The following TNS1 variants were observed in gnomAD, a reference collection of about 807,000 sequenced individuals.
TNS1 encodes tensin 1, also known as tensin-1.
Under a neutral mutation model 168.6 loss-of-function variants are expected in TNS1, and 62 were observed. That is an observed-to-expected ratio of 0.37 (90% CI 0.30 to 0.45). The LOEUF is 0.45. Ranked by LOEUF, TNS1 falls within the 20% of genes least tolerant of loss-of-function variation. The pLI is 1.00. For synonymous variants in TNS1, 934 were observed against 933.2 expected (o/e 1.00, Z -0.02); for missense variants, 2,240 against 2,339.4 (o/e 0.96, Z 0.88).
At chr2:217,943,890 C>T (rs1384569245) in intron 3 of TNS1, 1 of 152,912 alleles carries the variant, frequency 6.5e-6, no homozygotes, top group Non-Finnish European at 1.5e-5. Flanking sequence ...GCCACTAAGT[C>T]AGGTGGGTGT....
At chr2:217,984,185 A>G (rs770734313) in intron 2 of TNS1, among the ~76,000 whole-genome samples, 5 of 152,216 alleles carry the variant, frequency 3.3e-5, no homozygotes, top group Non-Finnish European at 5.9e-5. Flanking sequence ...AATTCCTTAA[A>G]TAAATCTCTT....
intron 32 of TNS1, among the ~76,000 whole-genome samples, chr2:217,806,073 G>A (rs1333425055): frequency 6.6e-6 from 1 of 152,226 alleles, no homozygotes; most frequent in East Asian, 1.9e-4. Flanking sequence ...ATGAGCAGGG[G>A]TGGGGGTGAT....
intron 3 of TNS1, among the ~76,000 whole-genome samples, chr2:217,954,371 T>C (rs911021217): frequency 7.9e-5 from 12 of 152,208 alleles, no homozygotes; most frequent in Admixed American, 5.9e-4. Flanking sequence ...GCAGCCAGCA[T>C]GGACCCTAAT....
intron 12 of TNS1, among the ~76,000 whole-genome samples, chr2:217,889,026 T>A (rs1471641424): frequency 6.6e-6 from 1 of 152,132 alleles, no homozygotes; most frequent in Non-Finnish European, 1.5e-5. Flanking sequence ...TCCTTCAAGG[T>A]CAAAGGCCAC....
intron 4 of TNS1, among the ~76,000 whole-genome samples, chr2:217,912,060 A>T (rs1473596065): frequency 6.6e-6 from 1 of 152,330 alleles, no homozygotes; most frequent in South Asian, 2.1e-4. Flanking sequence ...AAAAAGACAC[A>T]TATGCCCTCT....
At chr2:217,847,386 C>T in intron 19 of TNS1, 124 bp downstream of exon 19, 2 of 941,308 alleles carry the variant, frequency 2.1e-6, no homozygotes, top group Non-Finnish European at 1.5e-6. Context: ...CATATAGGCT[C>T]CTGAGAGCCT....
In TNS1 at chr2:217,829,911, G is replaced by A. The variant is rs771181584; in HGVS notation, c.3373+1544C>T. The A allele has an allele frequency of 1.6e-5, 25 of 1,612,150 alleles. No homozygotes were observed. The South Asian group carries it at 1.7e-4, about 11-fold the overall frequency. ...AGGGAAGACGAGAAGAGAGGTGGGA[G>A]GAAGGAGAGGCAGGAAAGAAGGGCA... is the stretch of plus-strand genomic sequence containing the variant. On this transcript the variant is annotated intron_variant, in intron 22 of 32. Coordinates refer to ENST00000682258, the MANE Select transcript of TNS1 (RefSeq NM_001387777.1).
At position 217,892,973 on chromosome 2, in the gene TNS1, T is replaced by C. The variant is rs772557705; in HGVS notation, c.757A>G (p.Met253Val). The change falls in exon 11 of 33, where the codon ATG becomes GTG. Residue 253 changes from methionine to valine, a missense_variant. Physicochemically the swap from Met to Val is conservative, Grantham distance 21. Transcript: ENST00000682258. ...GRIGVVIAAY[M>V]HYSNISASAD... The stretch of plus-strand genomic sequence containing the variant: ...CTGGCAGAAATGTTGCTGTAGTGCA[T>C]GTAAGCCGCGATGACAACTCCTATC... The C allele has an allele frequency of 6.2e-7, 1 of 1,614,188 alleles. No homozygotes were observed. Among genetic ancestry groups the C allele is most frequent in the Non-Finnish European group, 8.5e-7 (1 of 1,180,026 alleles).
intron 3 of TNS1, among the ~76,000 whole-genome samples, chr2:217,921,284 C>A (rs990880022): frequency 1.3e-5 from 2 of 152,164 alleles, no homozygotes; most frequent in African/African-American, 4.8e-5. Flanking sequence ...GACTGTCCCT[C>A]GGGCATGAGG....
At chr2:217,900,774 C>G in intron 6 of TNS1, 2 of 536,146 alleles carry the variant, frequency 3.7e-6, no homozygotes, top group East Asian at 3.4e-5. Flanking sequence ...GTGCACCCCA[C>G]TGGGCTGGTG....
chr2:217,809,906 C>A lies in TNS1; in HGVS notation c.5190G>T (p.Leu1730Phe), dbSNP rs763256623. The A allele has an allele frequency of 1.4e-5, 22 of 1,613,534 alleles. No homozygotes were observed. The South Asian group carries it at 2.2e-4, about 16-fold the overall frequency. ...QAISKATSET[L>F]AADPTPAATI... The stretch of plus-strand genomic sequence containing the variant: ...TGGCAGCTGGCGTGGGGTCTGCAGC[C>A]AACGTCTCAGATGTGGCTTTAGAGA... The change falls in exon 30 of 33, where the codon TTG becomes TTT. Residue 1730 changes from leucine (L) to phenylalanine (F), a missense_variant. This residue lies in a region of TNS1 where 109 missense variants were observed against 168.1 expected (regional missense o/e 0.65). Transcript: ENST00000682258.
At chr2:217,975,964 C>A (rs1391861475) in intron 3 of TNS1, among the ~76,000 whole-genome samples, 1 of 152,176 alleles carries the variant, frequency 6.6e-6, no homozygotes. Flanking sequence ...CCAGCCCAAA[C>A]TCCCCAGCAC....
rs1019102645 is a variant in TNS1 at position 218,032,674 on chromosome 2, C to G, written c.156+1146G>C. Among the ~76,000 whole-genome samples the G allele has an allele frequency of 6.6e-6, 1 of 152,164 alleles. No individual in the cohort carries two copies. The highest frequency in any genetic ancestry group is 6.5e-5 in the Admixed American group (1 of 15,284). ...GGTATCACCCCTCCTCTAGTGAGGCCCCAGGTGATGGGTGCAGGCTGCTCT... is the reference window on the plus strand; with the variant it reads ...GGTATCACCCCTCCTCTAGTGAGGCGCCAGGTGATGGGTGCAGGCTGCTCT... On this transcript the variant is annotated intron_variant, in intron 1 of 1. Coordinates refer to the TNS1 transcript ENST00000649572. This position sits in a 1 kb window ranked among gnomAD's most constrained non-coding sequence, Gnocchi z 4.0.
intron 6 of TNS1, among the ~76,000 whole-genome samples, chr2:217,904,105 C>G (rs1193812408): frequency 1.3e-5 from 2 of 152,318 alleles, no homozygotes; most frequent in Non-Finnish European, 2.9e-5. Flanking sequence ...AGGGGCCCGG[C>G]CCCATTCCTA....
intron 18 of TNS1, chr2:217,850,322 G>A: frequency 1.0e-6 from 1 of 985,288 alleles, no homozygotes; most frequent in Non-Finnish European, 1.2e-6. Flanking sequence ...TGATGCAGGG[G>A]GTTCAGGGAC....
At chr2:217,897,052 G>A (rs1175929539) in intron 8 of TNS1, among the ~76,000 whole-genome samples, 1 of 152,168 alleles carries the variant, frequency 6.6e-6, no homozygotes, top group East Asian at 1.9e-4. Flanking sequence ...TGCTACAGTG[G>A]CCCTGGGAAA....
At position 217,801,455 on chromosome 2, in the gene TNS1, T is replaced by A. The variant is rs1937477354; in HGVS notation, c.*3004A>T. On this transcript the variant is annotated 3_prime_UTR_variant, in exon 33 of 33. Transcript: ENST00000682258. ...CCTGCTGGGGTCTGCGTCGCTGCGATGTCCATGACTCCCTGGCTCTTTGTT... is the reference window on the plus strand; with the variant it reads ...CCTGCTGGGGTCTGCGTCGCTGCGAAGTCCATGACTCCCTGGCTCTTTGTT... 1 of 152,268 alleles carries A rather than the reference T, an allele frequency of 6.6e-6. No individual in the cohort carries two copies. The highest frequency in any genetic ancestry group is 2.4e-5 in the African/African-American group (1 of 41,460). The allele number at this position is 152,268 out of a possible 1,614,324, so 9.4% of individuals were successfully genotyped here.
At chr2:217,814,586 C>T (rs1015102887) in intron 25 of TNS1, among the ~76,000 whole-genome samples, 1 of 152,230 alleles carries the variant, frequency 6.6e-6, no homozygotes, top group Admixed American at 6.5e-5. Context: ...TGTTCTCTCT[C>T]CCTGTAAAAT....
At position 217,835,094 on chromosome 2, in the gene TNS1, C is replaced by T. The variant is rs1271631222; in HGVS notation, c.3277G>A (p.Gly1093Arg). Residue 1093 changes from glycine to arginine, a missense_variant, in exon 21 of 33, where the codon GGG becomes AGG. By Grantham distance (125) the Gly-to-Arg change is moderately radical. This residue lies in a region of TNS1 where 2,131 missense variants were observed against 2,171.2 expected (regional missense o/e 0.98). Transcript: ENST00000682258. ...GTSPSSPPPSGVRSPPGLAKT... is the reference protein window; with the variant it reads ...GTSPSSPPPSRVRSPPGLAKT... The stretch of plus-strand genomic sequence containing the variant: ...GAGCTTCACAGGGAATTCTTACCCC[C>T]ACTGGGTGGTGGGCTGCTCGGGGAG... The T allele has an allele frequency of 1.2e-5, 19 of 1,571,108 alleles. No individual in the cohort carries two copies. Among genetic ancestry groups the T allele is most frequent in the African/African-American group, 1.4e-5 (1 of 71,868 alleles).
Sources: gnomAD v4.1 joint callset for allele counts (sites outside exome capture counted in the v4.1 genomes callset) on GRCh38, gnomAD v4.1.1 for gene constraint, gnomAD v4.1.1 regional missense constraint, Gnocchi (gnomAD v3.1) non-coding constraint, MANE v1.5 for transcripts, NCBI Gene and HGNC (gene_info 2026-07-23, HGNC 2026-07-21) for gene names.